APOL2: variants seen among roughly 807,000 people sequenced by gnomAD.
The protein encoded by APOL2 is apolipoprotein L2.
A neutral mutation model predicts 7.1 loss-of-function variants in APOL2; 8 were observed. That is an observed-to-expected ratio of 1.12 (90% CI 0.66 to 2.03). The LOEUF (loss-of-function observed/expected upper bound fraction) is 2.03, where lower values mean the gene tolerates loss of function less well. APOL2 is among the 30% of genes most tolerant of loss of function. APOL2 has a pLI of 0.00. For synonymous variants in APOL2, 177 were observed against 159.9 expected (o/e 1.11, Z -0.81); for missense variants, 471 against 415.1 (o/e 1.13, Z -1.17).
intron 1 of APOL2, chr22:36,236,469 G>C: frequency 1.3e-6 from 1 of 757,230 alleles, no homozygotes; most frequent in African/African-American, 1.9e-5. Flanking sequence ...GTGGAGAGGA[G>C]AGATAGAGGG....
chr22:36,230,021 C>A (rs144665510), intron 4 of APOL2, among the ~76,000 whole-genome samples: 1 of 152,370 alleles, frequency 6.6e-6, no homozygotes, highest in East Asian at 1.9e-4. Context: ...GATGCCTTAG[C>A]AGTGACAGCT....
chr22:36,231,589 G>A (rs2015227741), intron 3 of APOL2, 123 bp from the exon 4 acceptor site: 1 of 1,226,814 alleles, frequency 8.2e-7, no homozygotes, highest in South Asian at 1.4e-5. Flanking sequence ...ATGTTTGATG[G>A]AGTCATCAGT....
intron 1 of APOL2, chr22:36,234,285 G>A (rs1046165683): frequency 6.6e-6 from 1 of 152,202 alleles, no homozygotes; most frequent in Admixed American, 6.5e-5. Context: ...CAAACTAACA[G>A]GATATGAAGA....
intron 1 of APOL2, chr22:36,237,123 G>T: frequency 6.5e-7 from 1 of 1,531,750 alleles, no homozygotes. Flanking sequence ...TGTTGGCCTG[G>T]CTCCCACCTT....
intron 1 of APOL2, 30 bp downstream of exon 1, chr22:36,239,411 T>G (rs2015525097): frequency 6.5e-7 from 1 of 1,527,732 alleles, no homozygotes; most frequent in Non-Finnish European, 8.8e-7. Context: ...AATAAGGACA[T>G]GGGGGTAGAT....
At chr22:36,232,580 G>A (rs1437891226) in intron 3 of APOL2, among the ~76,000 whole-genome samples, 4 of 152,240 alleles carry the variant, frequency 2.6e-5, no homozygotes, top group Non-Finnish European at 4.4e-5. Flanking sequence ...CACGAGAGGG[G>A]AGGTAAGGAG....
intron 1 of APOL2, chr22:36,236,818 AG>A (rs5845260): frequency 0.32 from 375,424 of 1,158,944 alleles, 63,104 homozygotes; most frequent in African/African-American, 0.47. Flanking sequence ...CAAGACTAAA[AG>A]GGGGACCCAG....
At position 36,227,903 on chromosome 22, in the gene APOL2, A is replaced by T. The variant is rs778573617; in HGVS notation, c.515T>A (p.Val172Glu). Residue 172 changes from valine (V) to glutamate (E), a missense_variant, in exon 5 of 5, where the codon GTA becomes GAA. Coordinates refer to ENST00000358502, the MANE Select transcript of APOL2 (RefSeq NM_030882.4). ...AGITCSVVEL[V>E]NKLRARAQAR... ...TTGGGCTCGTGCCCGCAATTTGTTTACTAGTTCTACCACACTGCAGGTAAT... is the reference window on the plus strand; with the variant it reads ...TTGGGCTCGTGCCCGCAATTTGTTTTCTAGTTCTACCACACTGCAGGTAAT... 6.2e-7 allele frequency: 1 copy of T among 1,614,132 alleles called. No homozygotes were observed. Among genetic ancestry groups the T allele is most frequent in the Non-Finnish European group, 8.5e-7 (1 of 1,180,036 alleles).
At chr22:36,232,131 C>T (rs2015244218) in intron 3 of APOL2, among the ~76,000 whole-genome samples, 1 of 152,248 alleles carries the variant, frequency 6.6e-6, no homozygotes. Context: ...GTAACTGCAA[C>T]CAATCAAATA....
upstream of APOL2, chr22:36,239,857 C>T (rs2015542877): frequency 3.5e-6 from 1 of 288,230 alleles, no homozygotes; most frequent in African/African-American, 2.2e-5. Context: ...CAACCCCCGC[C>T]CCGATCTCTG....
intron 3 of APOL2, among the ~76,000 whole-genome samples, chr22:36,231,839 G>T (rs574648555): frequency 1.3e-5 from 2 of 152,256 alleles, no homozygotes; most frequent in South Asian, 4.1e-4. Flanking sequence ...TCCTCCCAAG[G>T]CTCCAACCCC....
rs758253839 is a variant in APOL2 at position 36,228,009 on chromosome 22, G to A, written c.409C>T (p.Leu137=). The A allele has an allele frequency of 6.2e-6, 10 of 1,614,124 alleles. No homozygotes were observed. In the African/African-American group the frequency reaches 1.2e-4, roughly 19 times the overall value. ...CTGATTCCTTCTGTGAAGGGTGCCA[G>A]ACCCAGGCCGAGGAGGGTCAGGATG... ...SGILTLLGLG[L]APFTEGISFV... Residue 137 remains leucine, a synonymous_variant, in exon 5 of 5, where the codon CTG becomes TTG. Transcript: ENST00000358502.
chr22:36,230,587 C>G (rs1234171121), intron 4 of APOL2, among the ~76,000 whole-genome samples: 3 of 152,168 alleles, frequency 2.0e-5, no homozygotes, highest in Non-Finnish European at 4.4e-5. Flanking sequence ...TGACACTGGT[C>G]CCGGTCTCTC....
intron 3 of APOL2, among the ~76,000 whole-genome samples, chr22:36,231,966 G>T (rs2015241074): frequency 6.6e-6 from 1 of 152,114 alleles, no homozygotes; most frequent in African/African-American, 2.4e-5. Flanking sequence ...CAGCTGATTT[G>T]TTTTTTCTTT....
chr22:36,236,768 C>T (rs1056738369), intron 1 of APOL2: 12 of 1,059,854 alleles, frequency 1.1e-5, no homozygotes, highest in South Asian at 4.5e-5. Context: ...GTTTCAGGGT[C>T]GAGGCATCCA....
chr22:36,227,276 A>G lies in APOL2; in HGVS notation c.*128T>C. The G allele has an allele frequency of 2.5e-6, 3 of 1,182,474 alleles. No individual in the cohort carries two copies. The highest frequency in any genetic ancestry group is 3.4e-6 in the Non-Finnish European group (3 of 877,686). 73.2% of individuals were successfully genotyped at this position (1,182,474 alleles called of 1,614,324 possible). A position where few individuals can be genotyped will look rare whatever the true frequency, so the allele number is the denominator to read the frequency against. The stretch of plus-strand genomic sequence containing the variant: ...GTTTGCAGTGAGCCGAGATTGAGCC[A>G]CTGCACTCCATCCTGGGCGATAGAG... On this transcript the variant is annotated 3_prime_UTR_variant, in exon 5 of 5. Coordinates refer to ENST00000358502, the MANE Select transcript of APOL2 (RefSeq NM_030882.4).
chr22:36,233,124 A>G, intron 3 of APOL2, 29 bp downstream of exon 3: 2 of 1,610,778 alleles, frequency 1.2e-6, no homozygotes, highest in Non-Finnish European at 1.7e-6. Flanking sequence ...GCGAGTAGGA[A>G]CTAGCCAGGA....
At chr22:36,234,929 C>T (rs567220683) in intron 1 of APOL2, among the ~76,000 whole-genome samples, 8 of 152,332 alleles carry the variant, frequency 5.3e-5, no homozygotes, top group Middle Eastern at 3.4e-3. Flanking sequence ...CAAGAACTCA[C>T]GCACTGCCTC....
intron 1 of APOL2, among the ~76,000 whole-genome samples, chr22:36,233,661 C>T (rs535884670): frequency 1.3e-5 from 2 of 152,208 alleles, no homozygotes; most frequent in African/African-American, 2.4e-5. Context: ...GTATCTCATT[C>T]GATGATCACA....
Sources: gnomAD v4.1 joint callset for allele counts (sites outside exome capture counted in the v4.1 genomes callset) on GRCh38, gnomAD v4.1.1 for gene constraint, MANE v1.5 for transcripts, NCBI Gene and HGNC (gene_info 2026-07-23, HGNC 2026-07-21) for gene names.